Variants in ZHX3 observed in about 807,000 individuals in gnomAD.
ZHX3 encodes the protein zinc fingers and homeoboxes protein 3.
Under a neutral mutation model 64.5 loss-of-function variants are expected in ZHX3, and 20 were observed. The ratio of observed to expected loss-of-function variants is 0.31; its 90% confidence interval spans 0.22 to 0.45. The LOEUF (loss-of-function observed/expected upper bound fraction) is 0.45. Ranked by LOEUF, ZHX3 falls within the 20% of genes least tolerant of loss-of-function variation. The probability of loss-of-function intolerance (pLI) is 1.00; values close to 1 mark genes in which losing one functional copy is unlikely to be tolerated. For missense variants in ZHX3, 1,041 were observed against 1,195.8 expected, an observed-to-expected ratio of 0.87 and a Z score of 1.91; for synonymous variants, 423 against 461.6, an observed-to-expected ratio of 0.92 and a Z score of 1.07.
intron 1 of ZHX3, among the ~76,000 whole-genome samples, chr20:41,302,051 CTCA>C: frequency 1.7e-5 from 1 of 59,082 alleles, no homozygotes; most frequent in African/African-American, 9.9e-5. Flanking sequence ...GAGACTCCAT[CTCA>C]AAAAAAAAAA....
chr20:41,301,906 T>G (rs2044824970), intron 1 of ZHX3, among the ~76,000 whole-genome samples: 1 of 150,654 alleles, frequency 6.6e-6, no homozygotes, highest in African/African-American at 2.4e-5. Flanking sequence ...TACAAAAAAT[T>G]AGCCGGGCGT....
At position 41,232,629 on chromosome 20, in the gene ZHX3, G is replaced by A. The variant is rs1160755057; in HGVS notation, c.-150-27563C>T. 3.3e-5 allele frequency among the ~76,000 whole-genome samples: 5 copies of A among 151,768 alleles called. No homozygotes were observed. Among genetic ancestry groups the A allele is most frequent in the Non-Finnish European group, 5.9e-5 (4 of 67,954 alleles). The stretch of plus-strand genomic sequence containing the variant: ...TTTTTTGAGACGGAGTCTCGCTGTC[G>A]CCCAGGCTGGAGTGCAGTGGCGCAA... On this transcript the variant is annotated intron_variant, in intron 2 of 3. Coordinates refer to ENST00000683867, the MANE Select transcript of ZHX3 (RefSeq NM_001384317.1). This position sits in a 1 kb window ranked among gnomAD's most constrained non-coding sequence, Gnocchi z 5.0.
In ZHX3 at chr20:41,220,440, G is replaced by A. The variant is rs760601312; in HGVS notation, c.-150-15374C>T. ...GATTTCCTATGAAGCTACTACAGCC[G>A]AAGCTTTGGGGACCCTCACTTCACT... On this transcript the variant is annotated intron_variant, in intron 2 of 3. Coordinates refer to ENST00000683867, the MANE Select transcript of ZHX3 (RefSeq NM_001384317.1). 4.6e-5 allele frequency among the ~76,000 whole-genome samples: 7 copies of A among 152,284 alleles called. No homozygotes were observed. In the East Asian group the frequency reaches 1.2e-3, roughly 25 times the overall value.
At chr20:41,299,839 G>A (rs2044728052) in intron 1 of ZHX3, 1 of 145,070 alleles carries the variant, frequency 6.9e-6, no homozygotes, top group African/African-American at 2.7e-5. Flanking sequence ...TTCCAGCCTG[G>A]GCGACAGAAG....
intron 1 of ZHX3, among the ~76,000 whole-genome samples, chr20:41,316,556 G>A (rs1300584972): frequency 6.6e-6 from 1 of 152,152 alleles, no homozygotes; most frequent in Non-Finnish European, 1.5e-5. Flanking sequence ...ACGTGTGGAC[G>A]CCTCATGAAT....
intron 1 of ZHX3, among the ~76,000 whole-genome samples, chr20:41,285,414 TTGC>T (rs1197593545): frequency 6.6e-6 from 1 of 152,244 alleles, no homozygotes; most frequent in Non-Finnish European, 1.5e-5. Context: ...CTTCTAAATG[TTGC>T]TGCTATCACC....
chr20:41,196,099 C>T (rs1223420890), intron 3 of ZHX3, among the ~76,000 whole-genome samples: 1 of 150,932 alleles, frequency 6.6e-6, no homozygotes, highest in Non-Finnish European at 1.5e-5. Flanking sequence ...TCTATTTGGT[C>T]TAATTTGCTT....
intron 1 of ZHX3, among the ~76,000 whole-genome samples, chr20:41,269,964 C>T (rs2043050156): frequency 1.3e-5 from 2 of 151,972 alleles, no homozygotes; most frequent in Non-Finnish European, 2.9e-5. Context: ...ACATATCTAG[C>T]TTTACACTGC....
Position 41,202,488 on chromosome 20 carries a change from C to T in ZHX3, c.2429G>A (p.Arg810His), listed in dbSNP as rs956414621. 3.7e-6 allele frequency: 6 copies of T among 1,614,072 alleles called. No individual in the cohort carries two copies. Among genetic ancestry groups the T allele is most frequent in the Admixed American group, 1.7e-5 (1 of 60,004 alleles). The change falls in exon 3 of 4, where the codon CGC (arginine) becomes CAC (histidine). Residue 810 changes from arginine (R) to histidine (H), a missense_variant. This residue lies in a region of ZHX3 where 649 missense variants were observed against 739.8 expected (regional missense o/e 0.88). Coordinates refer to ENST00000683867, the MANE Select transcript of ZHX3 (RefSeq NM_001384317.1). This position sits in a 1 kb window ranked among gnomAD's most constrained non-coding sequence, Gnocchi z 7.0. ...QTGLPRPEVV[R>H]WFGDSRYALK... ...TGCGTACCTGCTATCTCCAAACCAG[C>T]GCACCACCTCTGGCCGTGGCAGACC...
In ZHX3 at chr20:41,204,746, G is replaced by C. The variant is rs1384415024; in HGVS notation, c.171C>G (p.Ser57Arg). 6.2e-7 allele frequency: 1 copy of C among 1,614,070 alleles called. No homozygotes were observed. The highest frequency in any genetic ancestry group is 8.5e-7 in the Non-Finnish European group (1 of 1,180,034). The change falls in exon 3 of 4, where the codon AGC becomes AGG. Residue 57 changes from serine to arginine, a missense_variant. Physicochemically the swap from Ser to Arg is moderately radical, Grantham distance 110. Transcript: ENST00000683867. The surrounding 1 kb of genome is among the most constrained non-coding windows in gnomAD (Gnocchi z 6.6). ...TGGCCAGTGTAGAGCCATCAGTACT[G>C]CTGGGGTTCTGTGCTGCCTCACTGC... ...AASSEAAQNP[S>R]STDGSTLANG... is the part of the protein sequence containing the mutation.
At chr20:41,292,582 A>T (rs2044304428) in intron 1 of ZHX3, among the ~76,000 whole-genome samples, 1 of 152,214 alleles carries the variant, frequency 6.6e-6, no homozygotes, top group South Asian at 2.1e-4. Flanking sequence ...TACAGAACTC[A>T]CTTGCTCATC....
At chr20:41,215,770 TAA>T (rs55922605) in intron 2 of ZHX3, among the ~76,000 whole-genome samples, 3 of 101,154 alleles carry the variant, frequency 3.0e-5, no homozygotes, top group Non-Finnish European at 3.9e-5. Flanking sequence ...ACGTCTCTAC[TAA>T]AAAAAAAAAA....
rs1199510893 is a variant in ZHX3, at chr20:41,181,117, G to A, written c.*4074C>T. On this transcript the variant is annotated 3_prime_UTR_variant, in exon 4 of 4. Transcript: ENST00000683867. ...CTCTCAGGTAAAAGGAGAGAAGGAA[G>A]CTGGGTCAAGAGACCCTGAAGAGGA... 6.6e-6 allele frequency: 1 copy of A among 152,292 alleles called. No homozygotes were observed. The highest frequency in any genetic ancestry group is 1.9e-4 in the East Asian group (1 of 5,188). 9.4% of individuals were successfully genotyped at this position (152,292 alleles called of 1,614,324 possible).
chr20:41,265,016 C>T (rs1036351424), intron 2 of ZHX3, among the ~76,000 whole-genome samples: 4 of 151,934 alleles, frequency 2.6e-5, no homozygotes, highest in East Asian at 1.9e-4. Flanking sequence ...TAAAAATAAG[C>T]GCAAAATAAG....
chr20:41,222,004 G>A (rs935342840), intron 2 of ZHX3, among the ~76,000 whole-genome samples: 1 of 152,248 alleles, frequency 6.6e-6, no homozygotes, highest in East Asian at 1.9e-4. Flanking sequence ...TGCCAAGAGA[G>A]GGCTTTGAGC....
chr20:41,187,714 CAACTTT>C (rs1448941845), intron 3 of ZHX3, among the ~76,000 whole-genome samples: 1 of 152,184 alleles, frequency 6.6e-6, no homozygotes, highest in Non-Finnish European at 1.5e-5. Context: ...GTGACTCCTT[CAACTTT>C]GTTTTTTCTC....
intron 2 of ZHX3, among the ~76,000 whole-genome samples, chr20:41,209,268 G>A (rs1247408750): frequency 6.6e-6 from 1 of 152,074 alleles, no homozygotes; most frequent in African/African-American, 2.4e-5. Flanking sequence ...TACTGCCCAA[G>A]GTAATTTATA....
chr20:41,298,248 C>A (rs1288390698), intron 1 of ZHX3, among the ~76,000 whole-genome samples: 1 of 152,170 alleles, frequency 6.6e-6, no homozygotes, highest in Non-Finnish European at 1.5e-5. Flanking sequence ...ATGGAGCATG[C>A]CCCAGCCTTT....
chr20:41,196,286 T>TAA (rs1568795221), intron 3 of ZHX3, among the ~76,000 whole-genome samples: 3 of 124,358 alleles, frequency 2.4e-5, no homozygotes, highest in African/African-American at 9.2e-5. Context: ...ATAATATATA[T>TAA]AAATAAATAT....
Sources: gnomAD v4.1 joint callset for allele counts (sites outside exome capture counted in the v4.1 genomes callset) on GRCh38, gnomAD v4.1.1 for gene constraint, gnomAD v4.1.1 regional missense constraint, Gnocchi (gnomAD v3.1) non-coding constraint, MANE v1.5 for transcripts, NCBI Gene and HGNC (gene_info 2026-07-23, HGNC 2026-07-21) for gene names.